Variants in BPI observed in about 807,000 individuals in gnomAD.
The protein encoded by BPI is bactericidal permeability-increasing protein.
Under a neutral mutation model 57.6 loss-of-function variants are expected in BPI, and 48 were observed. The ratio of observed to expected loss-of-function variants is 0.83; its 90% CI spans 0.66 to 1.06. The LOEUF is 1.06. BPI is among the 50% of genes least tolerant of loss of function. The probability of loss-of-function intolerance (pLI) is 0.00; values close to 1 mark genes in which losing one functional copy is unlikely to be tolerated. For missense variants in BPI, 651 were observed against 609.7 expected (o/e 1.07, Z -0.71); for synonymous variants, 237 against 238.2 (o/e 0.99, Z 0.05).
chr20:38,317,612 ATTG>A (rs762000867), intron 5 of BPI: 40 of 717,658 alleles, frequency 5.6e-5, no homozygotes, highest in Non-Finnish European at 9.6e-5. Context: ...GGTCAGGTGT[ATTG>A]TTGTGTTCTG....
intron 7 of BPI, among the ~76,000 whole-genome samples, chr20:38,322,499 C>T (rs747814439): frequency 2.6e-5 from 4 of 152,190 alleles, no homozygotes; most frequent in Non-Finnish European, 5.9e-5. Context: ...ATAAGAAAAT[C>T]CATCTAGATT....
chr20:38,323,766 G>A (rs2076698015), intron 7 of BPI, 104 bp from the exon 8 acceptor site: 6 of 1,288,480 alleles, frequency 4.7e-6, no homozygotes, highest in South Asian at 4.4e-5. Flanking sequence ...TTTTTCCTTT[G>A]CAAGTGTACA....
chr20:38,317,775 G>A (rs2076659261), intron 5 of BPI: 1 of 1,342,958 alleles, frequency 7.4e-7, no homozygotes, highest in Non-Finnish European at 1.0e-6. Context: ...TGAAGAAATA[G>A]AGGTCTAGAT....
intron 8 of BPI, 42 bp downstream of exon 8, chr20:38,324,088 C>T: frequency 6.3e-7 from 1 of 1,596,502 alleles, no homozygotes; most frequent in Non-Finnish European, 8.5e-7. Flanking sequence ...AGCACTGGAC[C>T]CAGAATCCTG....
intron 11 of BPI, among the ~76,000 whole-genome samples, chr20:38,330,399 C>T (rs2076736573): frequency 6.6e-6 from 1 of 152,160 alleles, no homozygotes; most frequent in Non-Finnish European, 1.5e-5. Context: ...GATAGAGCGC[C>T]CAATACAGCT....
At chr20:38,335,285 C>T (rs34429758) in intron 13 of BPI, among the ~76,000 whole-genome samples, 2,026 of 152,248 alleles carry the variant, frequency 0.013, 38 homozygotes, top group Non-Finnish European at 0.019. Flanking sequence ...TTACACACCA[C>T]GCTCTAGTCA....
At chr20:38,321,682 A>G (rs1420086247) in intron 7 of BPI, 1 of 152,218 alleles carries the variant, frequency 6.6e-6, no homozygotes, top group Non-Finnish European at 1.5e-5. Flanking sequence ...AAGAAACTTT[A>G]GAAACTGCAG....
chr20:38,311,799 G>A, intron 4 of BPI, 75 bp from the exon 5 acceptor site: 5 of 1,476,384 alleles, frequency 3.4e-6, no homozygotes, highest in Admixed American at 1.7e-5. Context: ...AAGCTTTTGA[G>A]ATGAGGCAGC....
chr20:38,314,161 T>C (rs1303543124), intron 5 of BPI, among the ~76,000 whole-genome samples: 1 of 77,090 alleles, frequency 1.3e-5, no homozygotes, highest in East Asian at 4.1e-4. Flanking sequence ...TTGAGGATGG[T>C]GATGGTGGGG....
chr20:38,328,884 G>A (rs1319144642), intron 11 of BPI, among the ~76,000 whole-genome samples: 2 of 150,788 alleles, frequency 1.3e-5, no homozygotes, highest in Non-Finnish European at 3.0e-5. Context: ...TGCATGCCTG[G>A]GGTCCCAGCT....
At chr20:38,323,309 T>C (rs1480168660) in intron 7 of BPI, among the ~76,000 whole-genome samples, 2 of 152,242 alleles carry the variant, frequency 1.3e-5, no homozygotes. Flanking sequence ...TTTTGCAACA[T>C]ATTGCCAAAT....
chr20:38,329,306 G>A (rs968599172), intron 11 of BPI, among the ~76,000 whole-genome samples: 4 of 152,152 alleles, frequency 2.6e-5, no homozygotes, highest in African/African-American at 9.7e-5. Context: ...CAGCACATTT[G>A]CGCTGTTTTC....
intron 7 of BPI, among the ~76,000 whole-genome samples, chr20:38,320,488 G>C (rs1409396459): frequency 6.6e-6 from 1 of 151,244 alleles, no homozygotes; most frequent in Non-Finnish European, 1.5e-5. Context: ...CCCTCCAAAG[G>C]CCTTTGCCCT....
intron 8 of BPI, 114 bp downstream of exon 8, chr20:38,324,160 C>T: frequency 7.8e-7 from 1 of 1,282,724 alleles, no homozygotes; most frequent in Non-Finnish European, 1.1e-6. Flanking sequence ...AAAGTGTTGA[C>T]TCTAGAGTCA....
At chr20:38,329,966 C>G (rs1436542435) in intron 11 of BPI, among the ~76,000 whole-genome samples, 1 of 152,182 alleles carries the variant, frequency 6.6e-6, no homozygotes, top group Admixed American at 6.5e-5. Flanking sequence ...CCTGCCTCAG[C>G]CTCCCAAAAG....
chr20:38,319,351 G>C (rs150655676), intron 6 of BPI, among the ~76,000 whole-genome samples: 209 of 152,348 alleles, frequency 1.4e-3, no homozygotes, highest in Middle Eastern at 3.4e-3. Flanking sequence ...TACAAATCTG[G>C]AGCTAAGATT....
At position 38,307,547 on chromosome 20, in the gene BPI, C is replaced by T; in HGVS notation, c.131-20C>T. 1 of 1,581,370 alleles carries T rather than the reference C, an allele frequency of 6.3e-7. No homozygotes were observed. ...CTCCAGGCTGTGCCTCTCACTGTCA[C>T]CCCTGCCTTCTCCCTTCAGCCAGCC... On this transcript the variant is annotated intron_variant, in intron 1 of 14. Coordinates refer to ENST00000642449, the MANE Select transcript of BPI (RefSeq NM_001725.3).
intron 1 of BPI, among the ~76,000 whole-genome samples, chr20:38,307,131 C>G (rs151146672): frequency 6.6e-6 from 1 of 151,982 alleles, no homozygotes; most frequent in South Asian, 2.1e-4. Context: ...TGCAGCGGGT[C>G]GAGGTTGCAG....
rs777566138 is a variant in BPI at position 38,324,008 on chromosome 20, G to C, written c.895G>C (p.Glu299Gln). The C allele has an allele frequency of 1.9e-6, 3 of 1,614,128 alleles. No homozygotes were observed. In the East Asian group the frequency reaches 6.7e-5, roughly 36 times the overall value. Residue 299 changes from glutamate to glutamine, a missense_variant, in exon 8 of 15, where the codon GAG becomes CAG. Glu to Gln is a conservative substitution (Grantham distance 29). Coordinates refer to ENST00000642449, the MANE Select transcript of BPI (RefSeq NM_001725.3). ...FFNTAGLVYQEAGVLKMTLRD... is the reference protein window; with the variant it reads ...FFNTAGLVYQQAGVLKMTLRD... The stretch of plus-strand genomic sequence containing the variant: ...CAACACAGCCGGGCTTGTATACCAA[G>C]AGGCTGGGGTCTTGAAGATGACCCT...
Sources: allele counts gnomAD v4.1 joint callset (sites outside exome capture counted in the v4.1 genomes callset), GRCh38; gene constraint gnomAD v4.1.1; transcripts MANE v1.5; gene names NCBI Gene and HGNC (gene_info 2026-07-23, HGNC 2026-07-21).